Variants in BCLAF1 observed in about 807,000 individuals in gnomAD.
BCLAF1 encodes BCL2 associated transcription factor 1, also known as bcl-2-associated transcription factor 1.
A neutral mutation model predicts 99.5 loss-of-function variants in BCLAF1; 10 were observed. The ratio of observed to expected loss-of-function variants is 0.10; its 90% CI spans 0.06 to 0.17. The LOEUF (loss-of-function observed/expected upper bound fraction) is 0.17, where lower values mean the gene tolerates loss of function less well. Ranked by LOEUF, BCLAF1 falls within the 10% of genes least tolerant of loss-of-function variation. BCLAF1 has a pLI of 1.00. For missense variants in BCLAF1, 636 were observed against 1,105.8 expected, an observed-to-expected ratio of 0.58 and a Z score of 6.02; for synonymous variants, 255 against 370.9, an observed-to-expected ratio of 0.69 and a Z score of 3.59.
At chr6:136,283,911 A>G (rs548816004) in intron 1 of BCLAF1, among the ~76,000 whole-genome samples, 5 of 152,158 alleles carry the variant, frequency 3.3e-5, no homozygotes, top group Admixed American at 2.0e-4. Context: ...TAAAGGACAT[A>G]TAAGTTTAGT....
chr6:136,284,676 C>T (rs1784880032), intron 1 of BCLAF1, among the ~76,000 whole-genome samples: 1 of 152,152 alleles, frequency 6.6e-6, no homozygotes, highest in Non-Finnish European at 1.5e-5. Flanking sequence ...TTCCAGATAA[C>T]TTGAGATAAG....
intron 1 of BCLAF1, among the ~76,000 whole-genome samples, chr6:136,284,665 T>C (rs1784878546): frequency 6.6e-6 from 1 of 152,212 alleles, no homozygotes; most frequent in South Asian, 2.1e-4. Flanking sequence ...AACCCTAAAC[T>C]TTCCAGATAA....
intron 8 of BCLAF1, 103 bp from the exon 9 acceptor site, chr6:136,269,715 T>C: frequency 1.2e-6 from 1 of 834,934 alleles, no homozygotes; most frequent in African/African-American, 1.8e-5. Flanking sequence ...TAAACTGGCA[T>C]TTTAGTATCA....
intron 1 of BCLAF1, among the ~76,000 whole-genome samples, chr6:136,288,634 C>T (rs933702675): frequency 3.3e-5 from 5 of 152,214 alleles, no homozygotes; most frequent in African/African-American, 9.7e-5. Flanking sequence ...TTGCTTTCAA[C>T]TTCAGTCTTA....
chr6:136,272,981 C>A, intron 7 of BCLAF1, 101 bp downstream of exon 7: 1 of 735,460 alleles, frequency 1.4e-6, no homozygotes, highest in Non-Finnish European at 2.3e-6. Context: ...AGGAATAATA[C>A]TTGTATCAAT....
intron 2 of BCLAF1, among the ~76,000 whole-genome samples, 148 bp downstream of exon 2, chr6:136,282,432 TCTGA>T (rs1215226375): frequency 1.2e-4 from 18 of 152,170 alleles, no homozygotes; most frequent in Admixed American, 1.2e-3. Context: ...TAACTTAACA[TCTGA>T]CTTACTTCAT....
intron 1 of BCLAF1, among the ~76,000 whole-genome samples, chr6:136,284,185 T>G (rs892438341): frequency 2.1e-5 from 3 of 146,034 alleles, no homozygotes; most frequent in African/African-American, 7.9e-5. Context: ...CTGCCAGATC[T>G]CTTTACTCCG....
intron 8 of BCLAF1, chr6:136,270,520 G>C (rs1403000568): frequency 6.6e-6 from 1 of 151,692 alleles, no homozygotes; most frequent in Non-Finnish European, 1.5e-5. Context: ...CTGAAAGTAC[G>C]TATCTCCAAA....
chr6:136,267,756 A>G (rs1395787171), intron 10 of BCLAF1, among the ~76,000 whole-genome samples: 1 of 151,970 alleles, frequency 6.6e-6, no homozygotes. Context: ...TACCCATATA[A>G]GCAAGGATTT....
At chr6:136,284,116 A>G (rs112531316) in intron 1 of BCLAF1, among the ~76,000 whole-genome samples, 152 of 120,050 alleles carry the variant, frequency 1.3e-3, no homozygotes, top group African/African-American at 2.7e-3. Flanking sequence ...ATACATATAT[A>G]TGTGTGTGTG....
chr6:136,266,118 A>C (rs1048056688), intron 11 of BCLAF1, among the ~76,000 whole-genome samples: 1 of 152,116 alleles, frequency 6.6e-6, no homozygotes, highest in Non-Finnish European at 1.5e-5. Flanking sequence ...AAACATATAT[A>C]GTTTTTCCAG....
intron 6 of BCLAF1, among the ~76,000 whole-genome samples, chr6:136,273,712 A>T (rs1782868914): frequency 6.6e-6 from 1 of 152,014 alleles, no homozygotes; most frequent in Non-Finnish European, 1.5e-5. Context: ...TTTTTAAATC[A>T]ATTAACATTC....
intron 6 of BCLAF1, among the ~76,000 whole-genome samples, chr6:136,274,679 A>G (rs1250745083): frequency 6.6e-6 from 1 of 152,092 alleles, no homozygotes; most frequent in Non-Finnish European, 1.5e-5. Flanking sequence ...TTTAAAGGCC[A>G]ACAGTCTTTG....
At chr6:136,269,049 T>TA in intron 9 of BCLAF1, 1 of 978,324 alleles carries the variant, frequency 1.0e-6, no homozygotes, top group Non-Finnish European at 1.3e-6. Flanking sequence ...TCTCCCATGT[T>TA]AAACCACTAG....
rs1205712376 is a variant in BCLAF1, at chr6:136,269,570, C to T, written c.2086G>A (p.Asp696Asn). The change falls in exon 9 of 13, where the codon GAC (aspartate) becomes AAC (asparagine). Residue 696 changes from aspartate (D) to asparagine (N), a missense_variant. Transcript: ENST00000531224. ...LRCDSADLRHDIDRRRKERSK... is the reference protein window; with the variant it reads ...LRCDSADLRHNIDRRRKERSK... ...CTTTCTTTTCTACGGCGATCAATGT[C>T]ATGCCGAAGGTCAGCAGAGTCACAC... The T allele has an allele frequency of 6.2e-7, 1 of 1,611,502 alleles. No homozygotes were observed. The highest frequency in any genetic ancestry group is 8.5e-7 in the Non-Finnish European group (1 of 1,178,780).
At chr6:136,269,783 A>C (rs1276761084) in intron 8 of BCLAF1, 171 bp from the exon 9 acceptor site, 2 of 450,804 alleles carry the variant, frequency 4.4e-6, no homozygotes, top group Non-Finnish European at 7.5e-6. Flanking sequence ...AATGTACTTG[A>C]CTATTTTTAC....
At chr6:136,283,265 T>A (rs957468265) in intron 1 of BCLAF1, among the ~76,000 whole-genome samples, 1 of 151,982 alleles carries the variant, frequency 6.6e-6, no homozygotes, top group Admixed American at 6.6e-5. Flanking sequence ...ATGAGTTTAA[T>A]GCTCTGCTAC....
intron 11 of BCLAF1, among the ~76,000 whole-genome samples, chr6:136,262,562 CA>C (rs2128465913): frequency 6.6e-6 from 1 of 152,112 alleles, no homozygotes; most frequent in East Asian, 1.9e-4. Flanking sequence ...ACTAACAGAC[CA>C]TATGAAAGAG....
chr6:136,287,776 T>C lies in BCLAF1; in HGVS notation c.-115+1937A>G, dbSNP rs575420088. Among the ~76,000 whole-genome samples, 68 of 152,344 alleles carry C rather than the reference T, an allele frequency of 4.5e-4. 1 individual carries two copies. The highest frequency in any genetic ancestry group is 6.8e-3 in the Middle Eastern group (2 of 294). On this transcript the variant is annotated intron_variant, in intron 1 of 12. Coordinates refer to ENST00000531224, the MANE Select transcript of BCLAF1 (RefSeq NM_014739.3). ...CAGGCGCAGGGGCTCATCCCTGTAA[T>C]CCCAGCACTTTGGGTGGGCCAGGCG...
Sources: gnomAD v4.1 joint callset for allele counts (sites outside exome capture counted in the v4.1 genomes callset) on GRCh38, gnomAD v4.1.1 for gene constraint, MANE v1.5 for transcripts, NCBI Gene and HGNC (gene_info 2026-07-23, HGNC 2026-07-21) for gene names.